The following GNG7 variants were observed in gnomAD, a reference collection of about 807,000 sequenced individuals.
GNG7 encodes the protein guanine nucleotide-binding protein G(I)/G(S)/G(O) subunit gamma-7.
A neutral mutation model predicts 4.0 loss-of-function variants in GNG7; 1 was observed. The observed-to-expected ratio is 0.25, with a 90% CI of 0.09 to 1.18. The LOEUF (loss-of-function observed/expected upper bound fraction) is 1.18, where lower values mean the gene tolerates loss of function less well. GNG7 is among the 50% of genes most tolerant of loss of function. The probability of loss-of-function intolerance (pLI) is 0.50; values close to 1 mark genes in which losing one functional copy is unlikely to be tolerated. For missense variants in GNG7, 86 were observed against 91.9 expected (o/e 0.94, Z 0.26); for synonymous variants, 34 against 36.9 (o/e 0.92, Z 0.29).
At chr19:2,660,681 C>T (rs1983121274) in intron 1 of GNG7, among the ~76,000 whole-genome samples, 1 of 152,186 alleles carries the variant, frequency 6.6e-6, no homozygotes, top group South Asian at 2.1e-4. Flanking sequence ...ATCACAGCTA[C>T]TTGGAAGCCT....
chr19:2,660,723 C>T (rs923289119), intron 1 of GNG7, among the ~76,000 whole-genome samples: 1 of 152,172 alleles, frequency 6.6e-6, no homozygotes, highest in Non-Finnish European at 1.5e-5. Context: ...CCCAGGAGTT[C>T]AAGACTGTGG....
At chr19:2,571,588 CTTTTTTTTTTTT>C (rs779497111) in intron 2 of GNG7, among the ~76,000 whole-genome samples, 4 of 68,014 alleles carry the variant, frequency 5.9e-5, no homozygotes, top group Non-Finnish European at 7.7e-5. Flanking sequence ...CATTTCTTTC[CTTTTTTTTTTTT>C]TTTTTTTTTT....
At chr19:2,673,257 C>CAAAA (rs754605877) in intron 1 of GNG7, among the ~76,000 whole-genome samples, 25 of 108,146 alleles carry the variant, frequency 2.3e-4, no homozygotes, top group East Asian at 1.1e-3. Context: ...GATTCCATCT[C>CAAAA]AAAAAAAAAA....
chr19:2,553,377 G>A (rs576696886), intron 3 of GNG7, among the ~76,000 whole-genome samples: 2 of 118,406 alleles, frequency 1.7e-5, no homozygotes, highest in African/African-American at 6.7e-5. Context: ...CCAGCATGGT[G>A]CTGAGCATAT....
intron 2 of GNG7, among the ~76,000 whole-genome samples, chr19:2,623,386 T>C (rs922053439): frequency 6.6e-6 from 1 of 151,958 alleles, no homozygotes; most frequent in African/African-American, 2.4e-5. Flanking sequence ...GACAGATACT[T>C]GTACTGTTCA....
In GNG7 at chr19:2,515,046, G is replaced by A. The variant is rs1451057662; in HGVS notation, c.183C>T (p.Asp61=). ...GVPASENPFK[D]KKPCIIL is the part of the protein sequence containing the mutation. ...GTTATAAAATAATACAAGGTTTCTT[G>A]TCCTTAAAGGGGTTCTCCGAGGCAG... Residue 61 remains aspartate, a synonymous_variant, in exon 5 of 5, where the codon GAC becomes GAT. Transcript: ENST00000382159. 1 of 1,613,782 alleles carries A rather than the reference G, an allele frequency of 6.2e-7. No homozygotes were observed. The highest frequency in any genetic ancestry group is 2.2e-5 in the East Asian group (1 of 44,880).
rs35639922 is a variant in GNG7, at chr19:2,525,971, A to ATT, written c.-37-5248_-37-5247dup. Among the ~76,000 whole-genome samples, 32 of 75,678 alleles carry ATT rather than the reference A, an allele frequency of 4.2e-4. 5 individuals carry two copies. The highest frequency in any genetic ancestry group is 4.2e-3 in the South Asian group (8 of 1,924). The allele number at this position is 75,678 out of a possible 152,430, so 49.6% of individuals were successfully genotyped here. A position where few individuals can be genotyped will look rare whatever the true frequency, so the allele number is the denominator to read the frequency against. On this transcript the variant is annotated intron_variant, in intron 3 of 4. Coordinates refer to ENST00000382159, the MANE Select transcript of GNG7 (RefSeq NM_052847.3). The stretch of plus-strand genomic sequence containing the variant: ...ATTACAGGTGCCTGCCTCCACGCCA[A>ATT]TTTTTTTTTTTTTTTTTGAGACAGA...
In GNG7 at chr19:2,618,546, G is replaced by A. The variant is rs1276107452; in HGVS notation, c.-78+27678C>T. ...GTATTTTCAGTGGAGACGGGGTTTC[G>A]CCATGTTGTCCAGGCTGGTCTCGAA... On this transcript the variant is annotated intron_variant, in intron 2 of 4. Transcript: ENST00000382159. This position sits in a 1 kb window ranked among gnomAD's most constrained non-coding sequence, Gnocchi z 5.1. 4.0e-5 allele frequency among the ~76,000 whole-genome samples: 6 copies of A among 151,884 alleles called. No homozygotes were observed. Among genetic ancestry groups the A allele is most frequent in the East Asian group, 1.9e-4 (1 of 5,148 alleles).
chr19:2,513,368 G>T lies in GNG7; in HGVS notation c.*1654C>A. 1 of 448,872 alleles carries T rather than the reference G, an allele frequency of 2.2e-6. No homozygotes were observed. Among genetic ancestry groups the T allele is most frequent in the Non-Finnish European group, 2.9e-6 (1 of 339,614 alleles). 27.8% of individuals were successfully genotyped at this position (448,872 alleles called of 1,614,324 possible). A position where few individuals can be genotyped will look rare whatever the true frequency, so the allele number is the denominator to read the frequency against. On this transcript the variant is annotated 3_prime_UTR_variant, in exon 5 of 5. Coordinates refer to ENST00000382159, the MANE Select transcript of GNG7 (RefSeq NM_052847.3). The stretch of plus-strand genomic sequence containing the variant: ...CTTCTAGGCCAGCCCCGTGGAGGGG[G>T]TCGGGGCGGCCAGGCCTCCTGCGAT...
At chr19:2,698,690 C>G (rs946108366) in intron 1 of GNG7, among the ~76,000 whole-genome samples, 1 of 152,138 alleles carries the variant, frequency 6.6e-6, no homozygotes, top group African/African-American at 2.4e-5. Flanking sequence ...ACTCTGGATA[C>G]GATTTTAAAG....
At chr19:2,567,441 T>C (rs973413803) in intron 2 of GNG7, among the ~76,000 whole-genome samples, 4 of 151,620 alleles carry the variant, frequency 2.6e-5, no homozygotes, top group Non-Finnish European at 5.9e-5. Flanking sequence ...CCTCCCTGCC[T>C]CAGCCTCCTG....
chr19:2,549,795 G>A (rs1453773817), intron 3 of GNG7, among the ~76,000 whole-genome samples: 1 of 152,186 alleles, frequency 6.6e-6, no homozygotes, highest in Non-Finnish European at 1.5e-5. Context: ...GAGGGCGGGG[G>A]TGACAGGGGA....
intron 2 of GNG7, among the ~76,000 whole-genome samples, chr19:2,637,203 G>A (rs1373310573): frequency 7.5e-5 from 7 of 93,128 alleles, no homozygotes; most frequent in Non-Finnish European, 1.6e-4. Flanking sequence ...AGAGGCCCCA[G>A]GAACAGGCTC....
chr19:2,624,687 C>A (rs1981972349), intron 2 of GNG7, among the ~76,000 whole-genome samples: 2 of 152,334 alleles, frequency 1.3e-5, no homozygotes, highest in South Asian at 4.1e-4. Flanking sequence ...TGTTGCCAGC[C>A]CTGGCGGCTA....
chr19:2,663,936 C>A (rs1439546354), intron 1 of GNG7, among the ~76,000 whole-genome samples: 4 of 152,188 alleles, frequency 2.6e-5, no homozygotes, highest in African/African-American at 7.2e-5. Flanking sequence ...CTACTCCAGG[C>A]CAGGAGCACC....
intron 2 of GNG7, among the ~76,000 whole-genome samples, chr19:2,596,747 C>T (rs565630382): frequency 6.6e-6 from 1 of 152,044 alleles, no homozygotes; most frequent in South Asian, 2.1e-4. Flanking sequence ...AGTTCCCATC[C>T]ACCCCACACT....
chr19:2,584,130 C>G (rs28669326), intron 2 of GNG7, among the ~76,000 whole-genome samples: 33,238 of 151,670 alleles, frequency 0.22, 3,758 homozygotes, highest in Non-Finnish European at 0.24. Context: ...AGAATTATGG[C>G]AACGTATCAG....
intron 3 of GNG7, among the ~76,000 whole-genome samples, chr19:2,539,912 CCTCTTT>C (rs1978896372): frequency 6.8e-6 from 1 of 146,840 alleles, no homozygotes; most frequent in African/African-American, 2.5e-5. Context: ...TCCCTCCCTC[CCTCTTT>C]CTCTTTCTTT....
rs1972689955 is a variant in GNG7, at chr19:2,513,900, G to C, written c.*1122C>G. 1 of 113,764 alleles carries C rather than the reference G, an allele frequency of 8.8e-6. No homozygotes were observed. Among genetic ancestry groups the C allele is most frequent in the South Asian group, 3.5e-4 (1 of 2,828 alleles). The allele number at this position is 113,764 out of a possible 1,614,324, so 7.0% of individuals were successfully genotyped here. On this transcript the variant is annotated 3_prime_UTR_variant, in exon 5 of 5. Coordinates refer to ENST00000382159, the MANE Select transcript of GNG7 (RefSeq NM_052847.3). Reference sequence around the variant, plus strand: ...CAAAGCCTCTCCCAGCCACGCGGATGCCTCATGCTTAAAACACACTGGGCG... The same window carrying C: ...CAAAGCCTCTCCCAGCCACGCGGATCCCTCATGCTTAAAACACACTGGGCG...
Sources: allele counts gnomAD v4.1 joint callset (sites outside exome capture counted in the v4.1 genomes callset), GRCh38; gene constraint gnomAD v4.1.1; non-coding constraint Gnocchi (gnomAD v3.1); transcripts MANE v1.5; gene names NCBI Gene and HGNC (gene_info 2026-07-23, HGNC 2026-07-21).